RPS6KC1: variants seen among roughly 807,000 people sequenced by gnomAD.
RPS6KC1 encodes the protein ribosomal protein S6 kinase C1.
In RPS6KC1, 54 loss-of-function variants were observed where a neutral mutation model predicts 103.8. The ratio of observed to expected loss-of-function variants is 0.52; its 90% CI spans 0.42 to 0.65. The LOEUF is 0.65. Ranked by LOEUF, RPS6KC1 falls within the 30% of genes least tolerant of loss-of-function variation. RPS6KC1 has a pLI of 0.00. For missense variants in RPS6KC1, 1,151 were observed against 1,253.8 expected, an observed-to-expected ratio of 0.92 and a Z score of 1.24; for synonymous variants, 439 against 438.7, an observed-to-expected ratio of 1.00 and a Z score of -0.01.
chr1:213,446,243 G>A, the RPS6KC1 span, among the ~76,000 whole-genome samples: 2 of 152,132 alleles, frequency 1.3e-5, no homozygotes, highest in African/African-American at 2.4e-5. Context: ...GCTTGCTTTC[G>A]TACATCCAGG....
chr1:213,129,394 C>T, intron 5 of RPS6KC1, 133 bp from the exon 6 acceptor site: 1 of 969,656 alleles, frequency 1.0e-6, no homozygotes, highest in East Asian at 2.5e-5. Flanking sequence ...TTGCTAGACA[C>T]TGACTTCCAT....
intron 7 of RPS6KC1, among the ~76,000 whole-genome samples, chr1:213,173,510 T>G (rs2091639537): frequency 6.6e-6 from 1 of 152,230 alleles, no homozygotes; most frequent in Non-Finnish European, 1.5e-5. Flanking sequence ...AGTATATAAT[T>G]TTATTTTCCT....
the RPS6KC1 span, among the ~76,000 whole-genome samples, chr1:213,685,934 C>T: frequency 6.6e-6 from 1 of 152,122 alleles, no homozygotes; most frequent in Non-Finnish European, 1.5e-5. Flanking sequence ...TTAGATGCCT[C>T]AGTGATTTTT....
At chr1:213,392,289 T>C in the RPS6KC1 span, among the ~76,000 whole-genome samples, 1 of 151,260 alleles carries the variant, frequency 6.6e-6, no homozygotes, top group Non-Finnish European at 1.5e-5. Flanking sequence ...TGCTGAAGAG[T>C]GTGAGTAGGG....
chr1:213,408,535 A>G, the RPS6KC1 span, among the ~76,000 whole-genome samples: 1 of 152,314 alleles, frequency 6.6e-6, no homozygotes, highest in Middle Eastern at 3.4e-3. Context: ...TCAGTTGAAG[A>G]CTTTAAGCCG....
In RPS6KC1 at chr1:213,069,754, G is replaced by C. The variant is rs191158010; in HGVS notation, c.106-1252G>C. ...ATAAAGAATGGCTACTCCATAGGCA[G>C]AACAGCCTGATTTATCTTTTTGTTT... On this transcript the variant is annotated intron_variant, in intron 1 of 14. Transcript: ENST00000366960. Among the ~76,000 whole-genome samples the C allele has an allele frequency of 3.9e-3, 588 of 152,286 alleles. 3 individuals carry two copies. Among genetic ancestry groups the C allele is most frequent in the Middle Eastern group, 6.8e-3 (2 of 294 alleles).
At chr1:213,625,117 G>A in the RPS6KC1 span, among the ~76,000 whole-genome samples, 30 of 151,946 alleles carry the variant, frequency 2.0e-4, no homozygotes, top group African/African-American at 6.0e-4. Flanking sequence ...CGAGTAGCCC[G>A]CCTTGGCCTC....
chr1:213,703,519 C>A, the RPS6KC1 span, among the ~76,000 whole-genome samples: 1 of 152,082 alleles, frequency 6.6e-6, no homozygotes. Flanking sequence ...TTTAGCATTT[C>A]TTATAGGACA....
At chr1:213,107,489 T>A (rs2082611941) in intron 4 of RPS6KC1, among the ~76,000 whole-genome samples, 1 of 152,232 alleles carries the variant, frequency 6.6e-6, no homozygotes, top group Admixed American at 6.5e-5. Flanking sequence ...CATTTTGTTC[T>A]TTTATGTTGC....
the RPS6KC1 span, among the ~76,000 whole-genome samples, chr1:213,848,509 G>A: frequency 6.6e-6 from 1 of 151,960 alleles, no homozygotes; most frequent in South Asian, 2.1e-4. Context: ...TAGTATATAT[G>A]TGTATGTACT....
At chr1:213,053,926 C>T (rs982900007) in intron 1 of RPS6KC1, among the ~76,000 whole-genome samples, 1 of 151,938 alleles carries the variant, frequency 6.6e-6, no homozygotes, top group African/African-American at 2.4e-5. Context: ...AACCTCGCCT[C>T]CTGGGTTCAA....
chr1:213,092,303 G>T (rs1310896383), intron 3 of RPS6KC1, among the ~76,000 whole-genome samples: 2 of 152,140 alleles, frequency 1.3e-5, no homozygotes, highest in Non-Finnish European at 2.9e-5. Flanking sequence ...ACTGAAAATT[G>T]AATGTTTCTC....
chr1:213,815,917 A>T, the RPS6KC1 span, among the ~76,000 whole-genome samples: 2 of 152,138 alleles, frequency 1.3e-5, no homozygotes, highest in East Asian at 3.8e-4. Context: ...AGAGTAAGAG[A>T]TGTGACTCTT....
At chr1:213,663,340 T>C in the RPS6KC1 span, among the ~76,000 whole-genome samples, 13 of 152,208 alleles carry the variant, frequency 8.5e-5, no homozygotes, top group African/African-American at 3.1e-4. Flanking sequence ...AGCAAGTTTG[T>C]TTGGTTGCAA....
At chr1:213,495,354 C>T in the RPS6KC1 span, among the ~76,000 whole-genome samples, 1 of 151,722 alleles carries the variant, frequency 6.6e-6, no homozygotes, top group Non-Finnish European at 1.5e-5. Flanking sequence ...TGGAGTCTTG[C>T]TCTGTTGCCC....
At chr1:213,136,772 G>C (rs2086314233) in intron 6 of RPS6KC1, among the ~76,000 whole-genome samples, 1 of 152,110 alleles carries the variant, frequency 6.6e-6, no homozygotes, top group African/African-American at 2.4e-5. Flanking sequence ...GCAGAATTTG[G>C]CCAGCACCAT....
chr1:213,088,553 C>T (rs1282106864), intron 3 of RPS6KC1, among the ~76,000 whole-genome samples: 4 of 152,032 alleles, frequency 2.6e-5, no homozygotes, highest in Admixed American at 1.3e-4. Flanking sequence ...GATGGGGTTT[C>T]GCCATGTTGC....
the RPS6KC1 span, among the ~76,000 whole-genome samples, chr1:213,399,592 T>G: frequency 1.1e-4 from 16 of 152,038 alleles, no homozygotes; most frequent in Non-Finnish European, 1.8e-4. Flanking sequence ...AGCTTCTTCT[T>G]AAAAGATATC....
intron 14 of RPS6KC1, among the ~76,000 whole-genome samples, chr1:213,268,830 C>T (rs2094973120): frequency 6.6e-6 from 1 of 151,074 alleles, no homozygotes; most frequent in Non-Finnish European, 1.5e-5. Flanking sequence ...TGTAGGGATA[C>T]AGCAACCACT....
Sources: gnomAD v4.1 joint callset for allele counts (sites outside exome capture counted in the v4.1 genomes callset) on GRCh38, gnomAD v4.1.1 for gene constraint, MANE v1.5 for transcripts, NCBI Gene and HGNC (gene_info 2026-07-23, HGNC 2026-07-21) for gene names.